DERA: variants seen among roughly 807,000 people sequenced by gnomAD.
The protein encoded by DERA is 2-deoxy-D-ribose 5-phosphate aldolase.
DERA carries 15 observed loss-of-function variants against 41.1 expected under a neutral mutation model. The observed-to-expected ratio is 0.37, with a 90% confidence interval of 0.24 to 0.56. DERA has a LOEUF of 0.56. Among genes scored for constraint, DERA ranks in the 20% least tolerant of loss-of-function variants. The pLI is 0.81. For missense variants in DERA, 396 were observed against 403.4 expected, an observed-to-expected ratio of 0.98 and a Z score of 0.16; for synonymous variants, 139 against 137.4, an observed-to-expected ratio of 1.01 and a Z score of -0.08.
At position 16,032,617 on chromosome 12, in the gene DERA, G is replaced by A. The variant is rs766863650; in HGVS notation, c.713G>A (p.Arg238Gln). 50 of 1,565,954 alleles carry A rather than the reference G, an allele frequency of 3.2e-5. No homozygotes were observed. The highest frequency in any genetic ancestry group is 1.7e-4 in the Middle Eastern group (1 of 6,036). ...ATFPVAIVML[R>Q]AIRDFFWKTG... ...TTCCCGGTAGCTATAGTAATGCTGC[G>A]GGCCATTAGAGATTTCTTCTGGAAA... The change falls in exon 7 of 9, where the codon CGG becomes CAG. Residue 238 changes from arginine to glutamine, a missense_variant. Coordinates refer to ENST00000428559, the MANE Select transcript of DERA (RefSeq NM_015954.4).
rs11056745 is a variant in DERA, at chr12:15,970,972, G to A, written c.508+8025G>A. Reference sequence around the variant, plus strand: ...ATTATTTTTAGCAAAATGGGGCCAAGGCAGAAAATCCAGGTTGTAAGATTT... The same window carrying A: ...ATTATTTTTAGCAAAATGGGGCCAAAGCAGAAAATCCAGGTTGTAAGATTT... On this transcript the variant is annotated intron_variant, in intron 5 of 8. Coordinates refer to ENST00000428559, the MANE Select transcript of DERA (RefSeq NM_015954.4). This position sits in a 1 kb window ranked among gnomAD's most constrained non-coding sequence, Gnocchi z 4.3. Among the ~76,000 whole-genome samples the A allele has an allele frequency of 1.2e-4, 18 of 152,314 alleles. No homozygotes were observed. Among genetic ancestry groups the A allele is most frequent in the Non-Finnish European group, 2.4e-4 (16 of 68,026 alleles).
intron 6 of DERA, among the ~76,000 whole-genome samples, chr12:16,029,229 T>C (rs1949073555): frequency 2.0e-5 from 3 of 152,102 alleles, no homozygotes; most frequent in Admixed American, 2.0e-4. Flanking sequence ...GGTCGGGAGA[T>C]AGAGACCACG....
Position 15,999,326 on chromosome 12 carries a change from T to C in DERA, c.637+16890T>C, listed in dbSNP as rs117800974. Among the ~76,000 whole-genome samples, 13 of 152,350 alleles carry C rather than the reference T, an allele frequency of 8.5e-5. No individual in the cohort carries two copies. In the East Asian group the frequency reaches 2.5e-3, roughly 29 times the overall value. On this transcript the variant is annotated intron_variant, in intron 6 of 8. Coordinates refer to ENST00000428559, the MANE Select transcript of DERA (RefSeq NM_015954.4). This position sits in a 1 kb window ranked among gnomAD's most constrained non-coding sequence, Gnocchi z 5.3. ...AGAGAGTAAAGTAAGCATGACATAG[T>C]TCCTGGCCTTAAAAAAGTGACATTA...
rs1313500905 is a variant in DERA, at chr12:16,003,263, A to G, written c.637+20827A>G. Among the ~76,000 whole-genome samples, 3 of 152,026 alleles carry G rather than the reference A, an allele frequency of 2.0e-5. No homozygotes were observed. Among genetic ancestry groups the G allele is most frequent in the Non-Finnish European group, 2.9e-5 (2 of 68,010 alleles). On this transcript the variant is annotated intron_variant, in intron 6 of 8. Transcript: ENST00000428559. This position sits in a 1 kb window ranked among gnomAD's most constrained non-coding sequence, Gnocchi z 4.8. The stretch of plus-strand genomic sequence containing the variant: ...TCTCTTCACCTGGTGTTCTTTTTAT[A>G]AGGACACTAATCATATTGCAGTAGG...
rs1300211013 is a variant in DERA, at chr12:15,941,351, A to C, written c.32-15585A>C. ...TCTCCTACTGCCACCCAAGAGTAGA[A>C]GGACTTAGCCGTCTGTAGCCACAAT... On this transcript the variant is annotated intron_variant, in intron 1 of 8. Coordinates refer to ENST00000428559, the MANE Select transcript of DERA (RefSeq NM_015954.4). The surrounding 1 kb of genome is among the most constrained non-coding windows in gnomAD (Gnocchi z 4.5). Among the ~76,000 whole-genome samples the C allele has an allele frequency of 2.6e-5, 4 of 152,194 alleles. No individual in the cohort carries two copies. Among genetic ancestry groups the C allele is most frequent in the Non-Finnish European group, 5.9e-5 (4 of 68,032 alleles).
Position 16,011,218 on chromosome 12 carries a change from A to T in DERA, c.638-21324A>T, listed in dbSNP as rs950766751. On this transcript the variant is annotated intron_variant, in intron 6 of 8. Coordinates refer to ENST00000428559, the MANE Select transcript of DERA (RefSeq NM_015954.4). The surrounding 1 kb of genome is among the most constrained non-coding windows in gnomAD (Gnocchi z 4.7). ...ATCAAAAGGAAATTCAGTTGTTTAA[A>T]GCATATCTGGCTTATTTTGTTAAAA... Among the ~76,000 whole-genome samples, 3 of 152,220 alleles carry T rather than the reference A, an allele frequency of 2.0e-5. No individual in the cohort carries two copies. Among genetic ancestry groups the T allele is most frequent in the Non-Finnish European group, 2.9e-5 (2 of 68,036 alleles).
intron 5 of DERA, among the ~76,000 whole-genome samples, chr12:15,969,793 A>G (rs1440813602): frequency 6.6e-6 from 1 of 152,216 alleles, no homozygotes; most frequent in Non-Finnish European, 1.5e-5. Flanking sequence ...ATAAATTGGT[A>G]TATTTCTTTT....
At chr12:15,977,296 C>T (rs1401153905) in intron 5 of DERA, among the ~76,000 whole-genome samples, 1 of 152,092 alleles carries the variant, frequency 6.6e-6, no homozygotes, top group Non-Finnish European at 1.5e-5. Flanking sequence ...AGTGAGTGTA[C>T]ACGTGCATGC....
At position 16,018,120 on chromosome 12, in the gene DERA, T is replaced by A. The variant is rs79456563; in HGVS notation, c.638-14422T>A. ...GCTATATGTTTTTCTAATAATCACA[T>A]CCGAAGCTTATTATACAGTAGTAGC... On this transcript the variant is annotated intron_variant, in intron 6 of 8. Transcript: ENST00000428559. 3.1e-3 allele frequency among the ~76,000 whole-genome samples: 474 copies of A among 152,298 alleles called. 7 individuals carry two copies. The East Asian group carries it at 0.05, about 16-fold the overall frequency.
In DERA at chr12:15,994,061, T is replaced by C. The variant is rs1194448640; in HGVS notation, c.637+11625T>C. On this transcript the variant is annotated intron_variant, in intron 6 of 8. Coordinates refer to ENST00000428559, the MANE Select transcript of DERA (RefSeq NM_015954.4). This position sits in a 1 kb window ranked among gnomAD's most constrained non-coding sequence, Gnocchi z 4.8. Reference sequence around the variant, plus strand: ...CTGTGTAAAATTTTATTGTCTGAAATTGTGAAAAATGTAGCCCAACATATT... The same window carrying C: ...CTGTGTAAAATTTTATTGTCTGAAACTGTGAAAAATGTAGCCCAACATATT... Among the ~76,000 whole-genome samples, 2 of 152,228 alleles carry C rather than the reference T, an allele frequency of 1.3e-5. No individual in the cohort carries two copies. The highest frequency in any genetic ancestry group is 2.9e-5 in the Non-Finnish European group (2 of 68,034).
chr12:15,973,220 A>G (rs1948675627), intron 5 of DERA, among the ~76,000 whole-genome samples: 1 of 152,210 alleles, frequency 6.6e-6, no homozygotes, highest in African/African-American at 2.4e-5. Context: ...AGCATCTGCA[A>G]TGTAATATAT....
At position 15,935,263 on chromosome 12, in the gene DERA, G is replaced by C. The variant is rs1368362608; in HGVS notation, c.32-21673G>C. 6.6e-6 allele frequency among the ~76,000 whole-genome samples: 1 copy of C among 152,100 alleles called. No individual in the cohort carries two copies. Among genetic ancestry groups the C allele is most frequent in the Non-Finnish European group, 1.5e-5 (1 of 68,024 alleles). On this transcript the variant is annotated intron_variant, in intron 1 of 8. Coordinates refer to ENST00000428559, the MANE Select transcript of DERA (RefSeq NM_015954.4). This position sits in a 1 kb window ranked among gnomAD's most constrained non-coding sequence, Gnocchi z 4.8. ...GCACTTTGGGAGGCTGAGGTGGGTG[G>C]ATCACTTGAGCCCAGGAGTTCAAGA... is the stretch of plus-strand genomic sequence containing the variant.
chr12:15,942,135 T>A (rs1948413162), intron 1 of DERA, among the ~76,000 whole-genome samples: 1 of 152,192 alleles, frequency 6.6e-6, no homozygotes, highest in African/African-American at 2.4e-5. Flanking sequence ...TTTTTAAAAA[T>A]ATGTTTGTTG....
At chr12:16,031,089 A>G (rs1367783246) in intron 6 of DERA, among the ~76,000 whole-genome samples, 1 of 152,184 alleles carries the variant, frequency 6.6e-6, no homozygotes, top group Non-Finnish European at 1.5e-5. Context: ...TAATACTATG[A>G]AGCAAGTGGG....
At chr12:16,033,998 C>A (rs962019609) in intron 7 of DERA, among the ~76,000 whole-genome samples, 5 of 152,188 alleles carry the variant, frequency 3.3e-5, no homozygotes, top group Admixed American at 1.3e-4. Flanking sequence ...AATGATAAAT[C>A]TATCTTTGGT....
At chr12:15,997,401 T>G (rs1425463020) in intron 6 of DERA, among the ~76,000 whole-genome samples, 1 of 152,076 alleles carries the variant, frequency 6.6e-6, no homozygotes, top group Non-Finnish European at 1.5e-5. Flanking sequence ...TGGAAAGATA[T>G]GTTAACAGGG....
At chr12:15,969,560 T>C (rs1948646186) in intron 5 of DERA, among the ~76,000 whole-genome samples, 1 of 152,218 alleles carries the variant, frequency 6.6e-6, no homozygotes, top group South Asian at 2.1e-4. Context: ...TCTCCTTCAA[T>C]TGTTTACCCC....
intron 1 of DERA, among the ~76,000 whole-genome samples, chr12:15,948,456 A>T (rs188252437): frequency 6.6e-6 from 1 of 152,178 alleles, no homozygotes; most frequent in East Asian, 1.9e-4. Context: ...TTTGATCTTG[A>T]ATCATTGATA....
Position 16,017,788 on chromosome 12 carries a change from ATCGGTAATTTC to A in DERA, c.638-14751_638-14741del, listed in dbSNP as rs1395070620. On this transcript the variant is annotated intron_variant, in intron 6 of 8. Coordinates refer to ENST00000428559, the MANE Select transcript of DERA (RefSeq NM_015954.4). This position sits in a 1 kb window ranked among gnomAD's most constrained non-coding sequence, Gnocchi z 5.5. Reference sequence around the variant, plus strand: ...ATACGAAACTCTCTTTCTAACTTTAATCGGTAATTTCTCAGCAATAGAAAACATGATGCTAA... The same window carrying A: ...ATACGAAACTCTCTTTCTAACTTTAATCAGCAATAGAAAACATGATGCTAA... Among the ~76,000 whole-genome samples, 1 of 152,220 alleles carries A rather than the reference ATCGGTAATTTC, an allele frequency of 6.6e-6. No individual in the cohort carries two copies. Among genetic ancestry groups the A allele is most frequent in the Non-Finnish European group, 1.5e-5 (1 of 68,022 alleles).
Sources: allele counts gnomAD v4.1 joint callset (sites outside exome capture counted in the v4.1 genomes callset), GRCh38; gene constraint gnomAD v4.1.1; non-coding constraint Gnocchi (gnomAD v3.1); transcripts MANE v1.5; gene names NCBI Gene and HGNC (gene_info 2026-07-23, HGNC 2026-07-21).